The following CDH20 variants were observed in gnomAD, a reference collection of about 807,000 sequenced individuals.
The protein encoded by CDH20 is cadherin-20.
CDH20 carries 29 observed loss-of-function variants against 74.2 expected under a neutral mutation model. The ratio of observed to expected loss-of-function variants is 0.39; its 90% CI spans 0.29 to 0.53. The LOEUF is 0.53. CDH20 is among the 20% of genes least tolerant of loss of function. The pLI, the probability that CDH20 is intolerant of heterozygous loss-of-function variation, is 0.69. For missense variants in CDH20, 988 were observed against 1,048.3 expected (o/e 0.94, Z 0.79); for synonymous variants, 469 against 405.4 (o/e 1.16, Z -1.88).
chr18:61,435,318 T>C (rs1219723408), intron 1 of CDH20, among the ~76,000 whole-genome samples: 3 of 152,140 alleles, frequency 2.0e-5, no homozygotes, highest in African/African-American at 4.8e-5. Flanking sequence ...AAAATCGTGA[T>C]GTAGGCAGGA....
intron 1 of CDH20, among the ~76,000 whole-genome samples, chr18:61,398,176 G>C (rs889376046): frequency 2.0e-5 from 3 of 152,206 alleles, no homozygotes; most frequent in African/African-American, 7.2e-5. Context: ...CAATGAATGA[G>C]AGTCTGAACG....
chr18:61,402,236 G>GGTAT (rs1299727268), intron 1 of CDH20, among the ~76,000 whole-genome samples: 2 of 152,112 alleles, frequency 1.3e-5, no homozygotes, highest in Admixed American at 6.5e-5. Context: ...AGACACTAAA[G>GGTAT]GTATCCCCAT....
At chr18:61,433,741 C>T (rs1391780921) in intron 1 of CDH20, among the ~76,000 whole-genome samples, 1 of 152,164 alleles carries the variant, frequency 6.6e-6, no homozygotes, top group Admixed American at 6.5e-5. Context: ...GCACTTGCCT[C>T]TCCTGGTGCT....
At chr18:61,511,878 G>A (rs1911795489) in intron 6 of CDH20, among the ~76,000 whole-genome samples, 1 of 152,126 alleles carries the variant, frequency 6.6e-6, no homozygotes, top group African/African-American at 2.4e-5. Flanking sequence ...GAACTTATGA[G>A]CTGCCAGAAA....
intron 2 of CDH20, among the ~76,000 whole-genome samples, chr18:61,493,289 C>T (rs1911023737): frequency 6.6e-6 from 1 of 152,184 alleles, no homozygotes; most frequent in African/African-American, 2.4e-5. Flanking sequence ...ATCCTTTGCT[C>T]TTCCTGATTA....
intron 3 of CDH20, 105 bp downstream of exon 3, chr18:61,499,585 G>A (rs982016033): frequency 2.2e-6 from 2 of 925,336 alleles, no homozygotes; most frequent in African/African-American, 3.3e-5. Context: ...CATATATTCA[G>A]AACAGGAGAG....
intron 1 of CDH20, among the ~76,000 whole-genome samples, chr18:61,481,996 A>C (rs667688): frequency 6.6e-6 from 1 of 151,810 alleles, no homozygotes; most frequent in Non-Finnish European, 1.5e-5. Context: ...GTAAATAAGA[A>C]CTGAGAAATA....
chr18:61,512,714 G>C (rs540921945), intron 6 of CDH20, among the ~76,000 whole-genome samples: 1 of 151,834 alleles, frequency 6.6e-6, no homozygotes, highest in Admixed American at 6.6e-5. Context: ...CTTTGTTCTC[G>C]TTGGTTTCAA....
At chr18:61,339,565 C>T (rs1240608082) in intron 1 of CDH20, among the ~76,000 whole-genome samples, 3 of 151,734 alleles carry the variant, frequency 2.0e-5, no homozygotes, top group African/African-American at 7.3e-5. Flanking sequence ...AGTGCTGAGT[C>T]TTAGACCAAT....
At chr18:61,399,056 C>T (rs1912078455) in intron 1 of CDH20, among the ~76,000 whole-genome samples, 1 of 152,148 alleles carries the variant, frequency 6.6e-6, no homozygotes, top group African/African-American at 2.4e-5. Flanking sequence ...TCATACAGTA[C>T]ATTTGAAGTT....
chr18:61,427,181 C>G (rs536545200), intron 1 of CDH20, among the ~76,000 whole-genome samples: 49 of 152,250 alleles, frequency 3.2e-4, no homozygotes, highest in African/African-American at 1.1e-3. Flanking sequence ...GTCTGTTTTT[C>G]ACCTGTATAA....
At chr18:61,483,364 G>A (rs1196308481) in intron 1 of CDH20, among the ~76,000 whole-genome samples, 1 of 152,136 alleles carries the variant, frequency 6.6e-6, no homozygotes, top group Non-Finnish European at 1.5e-5. Flanking sequence ...GCATTGAGAG[G>A]CTCCGGTGAA....
At chr18:61,527,881 T>G in intron 6 of CDH20, 86 bp from the exon 7 acceptor site, 1 of 1,278,538 alleles carries the variant, frequency 7.8e-7, no homozygotes, top group African/African-American at 1.5e-5. Flanking sequence ...CCACCAGCCA[T>G]CAATATTGGG....
chr18:61,353,169 C>T lies in CDH20; in HGVS notation c.-153+19342C>T, dbSNP rs922106134. Among the ~76,000 whole-genome samples, 1 of 152,202 alleles carries T rather than the reference C, an allele frequency of 6.6e-6. No individual in the cohort carries two copies. The highest frequency in any genetic ancestry group is 2.4e-5 in the African/African-American group (1 of 41,448). On this transcript the variant is annotated intron_variant, in intron 1 of 11. Transcript: ENST00000262717. This position sits in a 1 kb window ranked among gnomAD's most constrained non-coding sequence, Gnocchi z 4.6. The stretch of plus-strand genomic sequence containing the variant: ...GATACATCAGTTTCTAACTTAGAAA[C>T]ATTCATTTAATTGTCTACATAACAA...
At chr18:61,441,537 A>G (rs900486068) in intron 1 of CDH20, among the ~76,000 whole-genome samples, 1 of 152,150 alleles carries the variant, frequency 6.6e-6, no homozygotes, top group Non-Finnish European at 1.5e-5. Flanking sequence ...GACTTTACAC[A>G]CAGAAAGTTT....
intron 1 of CDH20, among the ~76,000 whole-genome samples, chr18:61,484,739 AC>A: frequency 7.9e-3 from 1 of 126 alleles, no homozygotes; most frequent in Non-Finnish European, 0.026. Flanking sequence ...GCTCTACTCC[AC>A]ACACACACAC....
intron 1 of CDH20, among the ~76,000 whole-genome samples, chr18:61,486,054 C>G (rs1232680093): frequency 6.7e-6 from 1 of 149,562 alleles, no homozygotes; most frequent in Non-Finnish European, 1.5e-5. Flanking sequence ...GCCTGGGCGA[C>G]AGAGCGAGAC....
chr18:61,397,531 C>A (rs143561341), intron 1 of CDH20, among the ~76,000 whole-genome samples: 144 of 152,234 alleles, frequency 9.5e-4, no homozygotes, highest in African/African-American at 3.3e-3. Context: ...CCCTGACCAC[C>A]CTATGCAGCC....
intron 11 of CDH20, among the ~76,000 whole-genome samples, chr18:61,552,049 C>G (rs1913454673): frequency 6.6e-6 from 1 of 152,136 alleles, no homozygotes; most frequent in East Asian, 1.9e-4. Flanking sequence ...GTTTTAAGTA[C>G]CCTTACTTCT....
Sources: gnomAD v4.1 joint callset for allele counts (sites outside exome capture counted in the v4.1 genomes callset) on GRCh38, gnomAD v4.1.1 for gene constraint, Gnocchi (gnomAD v3.1) non-coding constraint, MANE v1.5 for transcripts, NCBI Gene and HGNC (gene_info 2026-07-23, HGNC 2026-07-21) for gene names.